Variants in SORBS3 observed in about 807,000 individuals in gnomAD.
The protein encoded by SORBS3 is vinexin.
In SORBS3, 69 loss-of-function variants were observed where a neutral mutation model predicts 98.0. That is an observed-to-expected ratio of 0.70 (90% CI 0.58 to 0.86). SORBS3 has a LOEUF of 0.86. Among genes scored for constraint, SORBS3 ranks in the 40% least tolerant of loss-of-function variants. The probability of loss-of-function intolerance (pLI) is 0.00; values close to 1 mark genes in which losing one functional copy is unlikely to be tolerated. For synonymous variants in SORBS3, 394 were observed against 355.4 expected (o/e 1.11, Z -1.22); for missense variants, 954 against 908.5 (o/e 1.05, Z -0.64).
intron 18 of SORBS3, among the ~76,000 whole-genome samples, chr8:22,571,464 C>G (rs539986771): frequency 1.3e-5 from 2 of 152,284 alleles, no homozygotes; most frequent in African/African-American, 4.8e-5. Context: ...CCTGGGTGTT[C>G]TTGGTTCATC....
At chr8:22,564,900 G>A in intron 10 of SORBS3, 1 of 1,275,160 alleles carries the variant, frequency 7.8e-7, no homozygotes, top group Non-Finnish European at 9.9e-7. Flanking sequence ...CTGGGGTGGC[G>A]GGGGAACCTG....
At position 22,567,940 on chromosome 8, in the gene SORBS3, C is replaced by G. The variant is rs189739176; in HGVS notation, c.1305+765C>G. ...TTGGTGCACTGCAACCTCCACCTCC[C>G]TGGTTCAAGGGATTCTCCTGCCCCA... On this transcript the variant is annotated intron_variant, in intron 16 of 20. Coordinates refer to ENST00000240123, the MANE Select transcript of SORBS3 (RefSeq NM_005775.5). Among the ~76,000 whole-genome samples, 573 of 152,036 alleles carry G rather than the reference C, an allele frequency of 3.8e-3. 3 individuals carry two copies. Among genetic ancestry groups the G allele is most frequent in the African/African-American group, 0.013 (548 of 41,470 alleles).
In SORBS3 at chr8:22,575,081, G is replaced by A. The variant is rs534249779; in HGVS notation, c.*353G>A. 1.4e-5 allele frequency: 6 copies of A among 433,156 alleles called. No homozygotes were observed. The highest frequency in any genetic ancestry group is 8.8e-5 in the South Asian group (5 of 56,996). The allele number at this position is 433,156 out of a possible 1,614,324, so 26.8% of individuals were successfully genotyped here. A position where few individuals can be genotyped will look rare whatever the true frequency, so the allele number is the denominator to read the frequency against. ...TTCCTCTAACAGGGACCAGCTCTCC[G>A]CTTTGCCCCCACGGGGTTCCTCTAA... On this transcript the variant is annotated 3_prime_UTR_variant, in exon 21 of 21. Transcript: ENST00000240123.
At chr8:22,569,358 T>TG in intron 17 of SORBS3, 85 bp downstream of exon 17, 1 of 1,179,830 alleles carries the variant, frequency 8.5e-7, no homozygotes, top group Non-Finnish European at 1.1e-6. Flanking sequence ...TTTTTTTTTT[T>TG]GAGACAGAGT....
Position 22,572,394 on chromosome 8 carries a change from C to T in SORBS3, c.1902C>T (p.Arg634=), listed in dbSNP as rs749072691. ...RPQNEDELEL[R]EGDRVDVMQQ... ...AGAACGAAGACGAGCTGGAGCTGCG[C>T]GAGGGGGACAGGGTGGATGTCATGC... is the stretch of plus-strand genomic sequence containing the variant. The change falls in exon 20 of 21, where the codon CGC becomes CGT. Residue 634 remains arginine, a synonymous_variant. Transcript: ENST00000240123. The T allele has an allele frequency of 2.4e-5, 39 of 1,613,904 alleles. No individual in the cohort carries two copies. The highest frequency in any genetic ancestry group is 8.8e-5 in the South Asian group (8 of 91,078).
rs534932016 is a variant in SORBS3 at position 22,563,083 on chromosome 8, C to T, written c.585-904C>T. ...GCAGTGAGCCGGGATTGCGCCACTGCACTCCAGCCTGGGCGACAGAGCGAG... is the reference window on the plus strand; with the variant it reads ...GCAGTGAGCCGGGATTGCGCCACTGTACTCCAGCCTGGGCGACAGAGCGAG... On this transcript the variant is annotated intron_variant, in intron 7 of 20. Transcript: ENST00000240123. Among the ~76,000 whole-genome samples the T allele has an allele frequency of 2.0e-5, 3 of 151,770 alleles. No individual in the cohort carries two copies. The East Asian group carries it at 5.8e-4, about 29-fold the overall frequency.
At chr8:22,560,688 G>C (rs1840273476) in intron 5 of SORBS3, among the ~76,000 whole-genome samples, 1 of 152,176 alleles carries the variant, frequency 6.6e-6, no homozygotes, top group Non-Finnish European at 1.5e-5. Flanking sequence ...GGGAGTAGGG[G>C]GATTGGAGAT....
rs142015400 is a variant in SORBS3, at chr8:22,561,357, C to G, written c.501C>G (p.Phe167Leu). 7 of 1,608,932 alleles carry G rather than the reference C, an allele frequency of 4.4e-6. No homozygotes were observed. The highest frequency in any genetic ancestry group is 5.9e-6 in the Non-Finnish European group (7 of 1,176,892). ...KMPDLQLDWT[F>L]EEPPRDPRHL... is the part of the protein sequence containing the mutation. ...CAGACTTGCAGCTGGACTGGACCTT[C>G]GAGGAGCCACCCAGAGGTGAGGGGA... Residue 167 changes from phenylalanine to leucine, a missense_variant, in exon 6 of 21, where the codon TTC (phenylalanine) becomes TTG (leucine). Coordinates refer to ENST00000240123, the MANE Select transcript of SORBS3 (RefSeq NM_005775.5).
upstream of SORBS3, among the ~76,000 whole-genome samples, chr8:22,548,834 G>C (rs1250203206): frequency 6.6e-6 from 1 of 152,040 alleles, no homozygotes; most frequent in Non-Finnish European, 1.5e-5. Context: ...CGCTCACCCC[G>C]CCTTCACTTC....
chr8:22,565,383 G>T, intron 11 of SORBS3, 29 bp downstream of exon 11: 1 of 1,510,206 alleles, frequency 6.6e-7, no homozygotes, highest in African/African-American at 1.4e-5. Context: ...CACCCGCGGG[G>T]CACGCCGGCG....
chr8:22,556,100 C>T (rs1233037565), intron 3 of SORBS3, among the ~76,000 whole-genome samples: 2 of 152,214 alleles, frequency 1.3e-5, no homozygotes, highest in African/African-American at 2.4e-5. Flanking sequence ...CCTTATTCTG[C>T]TGCCCTAGCT....
chr8:22,574,762 T>G lies in SORBS3; in HGVS notation c.*34T>G, dbSNP rs779829297. ...CATGGCAACTTGGAGCCAGCCAGGATGGGGTGGGGAGCGGTGGCACTCGTG... is the reference window on the plus strand; with the variant it reads ...CATGGCAACTTGGAGCCAGCCAGGAGGGGGTGGGGAGCGGTGGCACTCGTG... On this transcript the variant is annotated 3_prime_UTR_variant, in exon 21 of 21. Coordinates refer to ENST00000240123, the MANE Select transcript of SORBS3 (RefSeq NM_005775.5). The G allele has an allele frequency of 1.5e-5, 24 of 1,606,196 alleles. No individual in the cohort carries two copies. The African/African-American group carries it at 2.8e-4, about 19-fold the overall frequency.
Position 22,556,884 on chromosome 8 carries a change from C to T in SORBS3, c.390C>T (p.Ser130=), listed in dbSNP as rs369784228. The T allele has an allele frequency of 3.3e-5, 54 of 1,612,924 alleles. No homozygotes were observed. The highest frequency in any genetic ancestry group is 1.7e-4 in the African/African-American group (13 of 74,930). The change falls in exon 4 of 21, where the codon AGC becomes AGT. Residue 130 remains serine, a synonymous_variant. Coordinates refer to ENST00000240123, the MANE Select transcript of SORBS3 (RefSeq NM_005775.5). The stretch of plus-strand genomic sequence containing the variant: ...AGGGAATCGGGCCCGTGGACGAGAG[C>T]GGCATGCCCATTGCCCCCCGATCCG... ...KYEGIGPVDE[S]GMPIAPRSSV...
intron 15 of SORBS3, 71 bp downstream of exon 15, chr8:22,566,939 G>T: frequency 6.3e-7 from 1 of 1,576,130 alleles, no homozygotes; most frequent in Non-Finnish European, 8.7e-7. Context: ...ATGGGGAGGG[G>T]GACTGGGCTG....
chr8:22,550,776 G>C (rs1840067920), upstream of SORBS3, among the ~76,000 whole-genome samples: 4 of 152,210 alleles, frequency 2.6e-5, no homozygotes, highest in South Asian at 8.3e-4. Context: ...GATTACGTTA[G>C]TTTTCATAAT....
intron 6 of SORBS3, chr8:22,561,642 A>C: frequency 1.6e-6 from 1 of 613,952 alleles, no homozygotes; most frequent in South Asian, 1.9e-5. Context: ...AGATGAGATC[A>C]TCACCTACTC....
In SORBS3 at chr8:22,570,980, G is replaced by A. The variant is rs1840562831; in HGVS notation, c.1502G>A (p.Arg501His). The A allele has an allele frequency of 2.5e-6, 4 of 1,613,464 alleles. No homozygotes were observed. Among genetic ancestry groups the A allele is most frequent in the South Asian group, 2.2e-5 (2 of 91,068 alleles). ...WYEGRITGTGRQGIFPASYVQ... is the reference protein window; with the variant it reads ...WYEGRITGTGHQGIFPASYVQ... Reference sequence around the variant, plus strand: ...GAGGGACGCATCACGGGCACGGGGCGCCAAGGCATATTCCCTGCCAGCTAC... The same window carrying A: ...GAGGGACGCATCACGGGCACGGGGCACCAAGGCATATTCCCTGCCAGCTAC... Residue 501 changes from arginine to histidine, a missense_variant, in exon 18 of 21, where the codon CGC (arginine) becomes CAC (histidine). Physicochemically the swap from Arg to His is conservative, Grantham distance 29 (BLOSUM62 0). Transcript: ENST00000240123.
intron 1 of SORBS3, among the ~76,000 whole-genome samples, chr8:22,552,678 A>T (rs935947081): frequency 3.3e-5 from 5 of 152,188 alleles, no homozygotes; most frequent in Non-Finnish European, 7.4e-5. Flanking sequence ...CAGGGAAGGA[A>T]GGCGCTGTCA....
At chr8:22,568,205 T>C (rs1200602285) in intron 16 of SORBS3, among the ~76,000 whole-genome samples, 1 of 152,212 alleles carries the variant, frequency 6.6e-6, no homozygotes, top group East Asian at 1.9e-4. Flanking sequence ...TCTTATTCTG[T>C]CTAGAGCTTT....
Sources: gnomAD v4.1 joint callset for allele counts (sites outside exome capture counted in the v4.1 genomes callset) on GRCh38, gnomAD v4.1.1 for gene constraint, MANE v1.5 for transcripts, NCBI Gene and HGNC (gene_info 2026-07-23, HGNC 2026-07-21) for gene names.